The following OCA2 variants were observed in gnomAD, a reference collection of about 807,000 sequenced individuals.
OCA2 encodes the protein OCA2 melanosomal transmembrane protein.
Under a neutral mutation model 100.2 loss-of-function variants are expected in OCA2, and 77 were observed. The observed-to-expected ratio is 0.77, with a 90% CI of 0.64 to 0.93. The LOEUF (loss-of-function observed/expected upper bound fraction) is 0.93. OCA2 is among the 40% of genes least tolerant of loss of function. OCA2 has a pLI of 0.00. For missense variants in OCA2, 1,062 were observed against 1,089.1 expected (o/e 0.98, Z 0.35); for synonymous variants, 432 against 439.2 (o/e 0.98, Z 0.21).
At chr15:27,757,052 A>G (rs916129340) in intron 23 of OCA2, among the ~76,000 whole-genome samples, 1 of 152,154 alleles carries the variant, frequency 6.6e-6, no homozygotes, top group Non-Finnish European at 1.5e-5. Flanking sequence ...GACACTCTCC[A>G]TGCACAGGAC....
intron 23 of OCA2, among the ~76,000 whole-genome samples, chr15:27,832,000 C>T (rs2034978085): frequency 1.3e-5 from 2 of 151,842 alleles, no homozygotes; most frequent in African/African-American, 2.4e-5. Context: ...TCTCCCTGAG[C>T]ATTCACCACC....
chr15:27,837,883 G>GAAAA (rs71414520), intron 23 of OCA2, among the ~76,000 whole-genome samples: 1 of 87,972 alleles, frequency 1.1e-5, no homozygotes, highest in Non-Finnish European at 2.4e-5. Context: ...CCCCACGACT[G>GAAAA]AAAAAAAAAA....
intron 23 of OCA2, among the ~76,000 whole-genome samples, chr15:27,784,713 C>T (rs2032717829): frequency 6.6e-6 from 1 of 152,078 alleles, no homozygotes; most frequent in East Asian, 1.9e-4. Context: ...CTTTGACCGG[C>T]TCACTATAGG....
chr15:27,832,014 T>G (rs4778190), intron 23 of OCA2, among the ~76,000 whole-genome samples: 4 of 151,162 alleles, frequency 2.6e-5, no homozygotes, highest in Non-Finnish European at 2.9e-5. Context: ...CACCACCCCC[T>G]GCTCCGTCAG....
At chr15:27,950,382 C>G in intron 18 of OCA2, 1 of 333,644 alleles carries the variant, frequency 3.0e-6, no homozygotes. Context: ...TACATTAGGC[C>G]TGAGGCGTAA....
Position 28,035,362 on chromosome 15 carries a change from G to A in OCA2, c.228-3199C>T, listed in dbSNP as rs192721946. On this transcript the variant is annotated intron_variant, in intron 2 of 23. Coordinates refer to ENST00000354638, the MANE Select transcript of OCA2 (RefSeq NM_000275.3). ...TTCCAATTTAAACTTAACACCATCCGGATACCATTTTCAATGTTCCAAATC... is the reference window on the plus strand; with the variant it reads ...TTCCAATTTAAACTTAACACCATCCAGATACCATTTTCAATGTTCCAAATC... Among the ~76,000 whole-genome samples, 303 of 152,140 alleles carry A rather than the reference G, an allele frequency of 2.0e-3. 6 individuals are homozygous for A. The highest frequency in any genetic ancestry group is 0.018 in the Admixed American group (280 of 15,274).
At chr15:28,077,909 G>A (rs896984489) in intron 2 of OCA2, among the ~76,000 whole-genome samples, 4 of 152,114 alleles carry the variant, frequency 2.6e-5, no homozygotes, top group Admixed American at 2.6e-4. Flanking sequence ...GTGAAACCCC[G>A]TCTCTACTAA....
At chr15:27,902,887 C>T (rs183785876) in intron 19 of OCA2, among the ~76,000 whole-genome samples, 2 of 152,230 alleles carry the variant, frequency 1.3e-5, no homozygotes, top group African/African-American at 2.4e-5. Flanking sequence ...ATCACGCTGA[C>T]GCACACGCGC....
At chr15:28,021,645 T>TG (rs1455665836) in intron 6 of OCA2, among the ~76,000 whole-genome samples, 3 of 152,176 alleles carry the variant, frequency 2.0e-5, no homozygotes, top group African/African-American at 7.2e-5. Context: ...ACAGGAAGCC[T>TG]GGGGAAGATC....
chr15:27,903,476 T>TTTTTG (rs932789368), intron 19 of OCA2, among the ~76,000 whole-genome samples: 8 of 152,166 alleles, frequency 5.3e-5, no homozygotes, highest in African/African-American at 1.9e-4. Flanking sequence ...AGGCACTTTC[T>TTTTTG]TTTTGTTTTG....
At chr15:27,922,325 A>T (rs1195186806) in intron 19 of OCA2, among the ~76,000 whole-genome samples, 2 of 152,252 alleles carry the variant, frequency 1.3e-5, no homozygotes, top group African/African-American at 2.4e-5. Context: ...TTACTGCAAT[A>T]GGCAATTTAC....
intron 23 of OCA2, among the ~76,000 whole-genome samples, chr15:27,830,248 A>G (rs1183798647): frequency 1.3e-5 from 2 of 152,176 alleles, no homozygotes; most frequent in Non-Finnish European, 2.9e-5. Flanking sequence ...GGATTTTTTC[A>G]TCATAAAGGT....
At chr15:27,878,339 G>A (rs2036874257) in intron 19 of OCA2, among the ~76,000 whole-genome samples, 1 of 152,068 alleles carries the variant, frequency 6.6e-6, no homozygotes, top group African/African-American at 2.4e-5. Flanking sequence ...TTTCTCTGTA[G>A]TATCATTTTG....
intron 18 of OCA2, among the ~76,000 whole-genome samples, chr15:27,943,789 A>G (rs1043837633): frequency 2.0e-5 from 3 of 152,108 alleles, no homozygotes; most frequent in African/African-American, 7.2e-5. Context: ...CCAATCAGAA[A>G]GTCTTTGAAT....
chr15:27,934,508 T>C lies in OCA2; in HGVS notation c.1952-8254A>G, dbSNP rs981217640. 3.9e-5 allele frequency among the ~76,000 whole-genome samples: 6 copies of C among 152,204 alleles called. No homozygotes were observed. The South Asian group carries it at 1.2e-3, about 32-fold the overall frequency. On this transcript the variant is annotated intron_variant, in intron 18 of 23. Transcript: ENST00000354638. ...CTTTAAATTCTCAGTAAGAAATAAT[T>C]GCTCCAATTTCACTTCTCCTGGGTA...
chr15:27,992,001 G>A (rs2041570762), intron 9 of OCA2, among the ~76,000 whole-genome samples: 1 of 151,990 alleles, frequency 6.6e-6, no homozygotes, highest in Non-Finnish European at 1.5e-5. Context: ...TTTAAGAGTT[G>A]TTTTGTTTGT....
chr15:27,740,106 T>TG, the OCA2 span, among the ~76,000 whole-genome samples: 1 of 152,326 alleles, frequency 6.6e-6, no homozygotes, highest in Non-Finnish European at 1.5e-5. Context: ...TGTTGATAAA[T>TG]GGCCTTGCTA....
At chr15:27,898,363 G>A (rs2037793904) in intron 19 of OCA2, among the ~76,000 whole-genome samples, 1 of 152,160 alleles carries the variant, frequency 6.6e-6, no homozygotes, top group South Asian at 2.1e-4. Context: ...ATTAAATTAT[G>A]GGGATGGGAC....
At chr15:28,031,806 A>C (rs2042913346) in intron 3 of OCA2, among the ~76,000 whole-genome samples, 1 of 152,192 alleles carries the variant, frequency 6.6e-6, no homozygotes. Flanking sequence ...CTGGTAAGAC[A>C]GCCCATCAGA....
Sources: allele counts gnomAD v4.1 joint callset (sites outside exome capture counted in the v4.1 genomes callset), GRCh38; gene constraint gnomAD v4.1.1; transcripts MANE v1.5; gene names NCBI Gene and HGNC (gene_info 2026-07-23, HGNC 2026-07-21).